Variants in RAB33A observed in about 807,000 individuals in gnomAD.
RAB33A encodes the protein ras-related protein Rab-33A.
RAB33A carries 6 observed loss-of-function variants against 12.0 expected under a neutral mutation model. The ratio of observed to expected loss-of-function variants is 0.50; its 90% confidence interval spans 0.27 to 0.99. The LOEUF (loss-of-function observed/expected upper bound fraction) is 0.99, where lower values mean the gene tolerates loss of function less well. Ranked by LOEUF, RAB33A falls within the 50% of genes least tolerant of loss-of-function variation. RAB33A has a pLI of 0.11. For synonymous variants in RAB33A, 70 were observed against 82.4 expected, an observed-to-expected ratio of 0.85 and a Z score of 0.81; for missense variants, 109 against 192.0, an observed-to-expected ratio of 0.57 and a Z score of 2.55.
chrX:130,170,482 TAAAAG>T (rs749779373), upstream of RAB33A, among the ~76,000 whole-genome samples: 44 of 112,207 alleles, frequency 3.9e-4, no homozygotes, highest in East Asian at 2.8e-4. Context: ...GGTAAAGTCT[TAAAAG>T]AAACAAATGG....
the RAB33A span, chrX:130,156,517 C>G: frequency 2.5e-6 from 3 of 1,209,861 alleles, no homozygotes; most frequent in African/African-American, 3.5e-5. Flanking sequence ...ACAGAATTAT[C>G]GATTTTGCCC....
chrX:130,146,451 A>G, the RAB33A span, among the ~76,000 whole-genome samples: 87 of 89,448 alleles, frequency 9.7e-4, no homozygotes, highest in Admixed American at 5.1e-3. Flanking sequence ...CTCTCAAAAT[A>G]TGTGTGTGTG....
the RAB33A span, chrX:130,131,882 T>A: frequency 4.4e-4 from 506 of 1,151,818 alleles, no homozygotes; most frequent in African/African-American, 7.9e-3. Flanking sequence ...ACTGCATTTT[T>A]TTTTTTTTGA....
At chrX:130,156,858 C>G in the RAB33A span, among the ~76,000 whole-genome samples, 1 of 111,729 alleles carries the variant, frequency 9.0e-6, no homozygotes, top group Non-Finnish European at 1.9e-5. Flanking sequence ...CAGAAAAGAT[C>G]ATGAAAAACA....
chrX:130,147,714 T>C, the RAB33A span: 13 of 1,211,963 alleles, frequency 1.1e-5, no homozygotes, highest in South Asian at 1.9e-4. Flanking sequence ...GCTTGCAGAC[T>C]GTACCCTCTG....
At chrX:130,118,497 C>T in the RAB33A span, among the ~76,000 whole-genome samples, 1 of 112,916 alleles carries the variant, frequency 8.9e-6, no homozygotes, top group Non-Finnish European at 1.9e-5. Context: ...AATGCAGCCA[C>T]TCTTCAGTTT....
the RAB33A span, among the ~76,000 whole-genome samples, chrX:130,122,445 T>TA: frequency 1.8e-5 from 2 of 112,485 alleles, no homozygotes; most frequent in Admixed American, 9.4e-5. Context: ...CTTTTGTCTG[T>TA]ATGATAAGAG....
chrX:130,131,277 G>C, the RAB33A span, among the ~76,000 whole-genome samples: 1 of 111,994 alleles, frequency 8.9e-6, no homozygotes, highest in Admixed American at 9.5e-5. Context: ...CTATCAGGCC[G>C]TGTTCTTGAG....
the RAB33A span, among the ~76,000 whole-genome samples, chrX:130,115,663 A>AAG: frequency 7.8e-4 from 78 of 99,617 alleles, no homozygotes; most frequent in East Asian, 1.6e-3. Context: ...GAAAGAGAGA[A>AAG]AGAGAGAGAG....
At chrX:130,131,643 A>G in the RAB33A span, 48 of 1,208,878 alleles carry the variant, frequency 4.0e-5, no homozygotes, top group South Asian at 7.6e-4. Context: ...GCTTCTCAAC[A>G]CTCTCCAAGA....
the RAB33A span, chrX:130,155,359 A>G: frequency 8.7e-7 from 1 of 1,143,945 alleles, no homozygotes; most frequent in Non-Finnish European, 1.2e-6. Context: ...GAAACATTCA[A>G]TACAAAGGCA....
At chrX:130,150,614 C>T in the RAB33A span, among the ~76,000 whole-genome samples, 16 of 105,342 alleles carry the variant, frequency 1.5e-4, no homozygotes, top group African/African-American at 4.8e-4. Context: ...GGATTACAGG[C>T]GTGAGCCACC....
At chrX:130,145,689 T>C in the RAB33A span, 1 of 542,273 alleles carries the variant, frequency 1.8e-6, no homozygotes, top group Non-Finnish European at 3.1e-6. Context: ...CCAAAGTAAG[T>C]CTCCAAGTCT....
the RAB33A span, among the ~76,000 whole-genome samples, chrX:130,112,971 A>G: frequency 1.6e-4 from 18 of 109,490 alleles, no homozygotes; most frequent in Non-Finnish European, 3.0e-4. Context: ...ATGTTTTGAT[A>G]CAGGCATGCA....
the RAB33A span, chrX:130,137,298 C>T: frequency 6.7e-6 from 8 of 1,188,911 alleles, no homozygotes; most frequent in Non-Finnish European, 9.0e-6. Flanking sequence ...GGCAGAGCTG[C>T]AATCCAGGCC....
chrX:130,181,502 A>G (rs1024718612), intron 1 of RAB33A, among the ~76,000 whole-genome samples: 2 of 112,189 alleles, frequency 1.8e-5, no homozygotes, highest in African/African-American at 6.5e-5. Flanking sequence ...ATAAAGGGAA[A>G]TAGATTGGGC....
chrX:130,165,495 G>T, the RAB33A span: 1 of 1,012,887 alleles, frequency 9.9e-7, no homozygotes, highest in East Asian at 3.3e-5. Context: ...CAAGGCACAG[G>T]GAGCCTAAGG....
At chrX:130,167,556 A>G (rs908110561), upstream of RAB33A, among the ~76,000 whole-genome samples, 1 of 112,100 alleles carries the variant, frequency 8.9e-6, no homozygotes, top group African/African-American at 3.2e-5. Context: ...CAGTCTGGCC[A>G]ACATGGTGAA....
the RAB33A span, among the ~76,000 whole-genome samples, chrX:130,149,740 C>T: frequency 8.9e-6 from 1 of 111,975 alleles, no homozygotes; most frequent in East Asian, 2.8e-4. Context: ...ACTGGGTGTG[C>T]ACATGCTTGG....
Sources: gnomAD v4.1 joint callset for allele counts (sites outside exome capture counted in the v4.1 genomes callset) on GRCh38, gnomAD v4.1.1 for gene constraint, MANE v1.5 for transcripts, NCBI Gene and HGNC (gene_info 2026-07-23, HGNC 2026-07-21) for gene names.